The following ZCCHC2 variants were observed in gnomAD, a reference collection of about 807,000 sequenced individuals.
ZCCHC2 encodes the protein zinc finger CCHC domain-containing protein 2.
ZCCHC2 carries 39 observed loss-of-function variants against 103.6 expected under a neutral mutation model. That is an observed-to-expected ratio of 0.38 (90% CI 0.29 to 0.49). ZCCHC2 has a LOEUF of 0.49. Among genes scored for constraint, ZCCHC2 ranks in the 20% least tolerant of loss-of-function variants. The pLI is 0.96. For missense variants in ZCCHC2, 1,483 were observed against 1,491.0 expected (o/e 0.99, Z 0.09); for synonymous variants, 687 against 608.9 (o/e 1.13, Z -1.89).
intron 2 of ZCCHC2, among the ~76,000 whole-genome samples, chr18:62,542,151 T>C (rs1296627715): frequency 6.6e-6 from 1 of 152,246 alleles, no homozygotes; most frequent in Non-Finnish European, 1.5e-5. Flanking sequence ...TGTGGTAATC[T>C]GAATAACAAG....
chr18:62,524,941 T>A (rs1914301046), intron 1 of ZCCHC2: 1 of 152,518 alleles, frequency 6.6e-6, no homozygotes, highest in African/African-American at 2.4e-5. Context: ...TTAAAAGGGG[T>A]CGTACGGGTC....
intron 9 of ZCCHC2, among the ~76,000 whole-genome samples, chr18:62,563,818 T>C (rs1382178110): frequency 6.6e-6 from 1 of 152,240 alleles, no homozygotes; most frequent in African/African-American, 2.4e-5. Context: ...ATTTTCCAAC[T>C]GACCTTTCTT....
chr18:62,571,041 G>T (rs1249944123), intron 12 of ZCCHC2, among the ~76,000 whole-genome samples: 3 of 152,218 alleles, frequency 2.0e-5, no homozygotes, highest in Admixed American at 6.5e-5. Flanking sequence ...GCCTCCTGTA[G>T]CCATCTTATT....
intron 1 of ZCCHC2, chr18:62,526,381 C>T (rs1437972576): frequency 6.6e-6 from 1 of 152,308 alleles, no homozygotes. Flanking sequence ...TGGTGAACTT[C>T]TCCAGCAGTT....
intron 1 of ZCCHC2, among the ~76,000 whole-genome samples, chr18:62,534,328 A>AT (rs35855431): frequency 6.6e-6 from 1 of 151,136 alleles, no homozygotes; most frequent in African/African-American, 2.4e-5. Flanking sequence ...AAAAAAAAAA[A>AT]TCTGATTATT....
intron 1 of ZCCHC2, among the ~76,000 whole-genome samples, chr18:62,529,841 G>C (rs1219944586): frequency 2.0e-5 from 3 of 152,136 alleles, no homozygotes; most frequent in Non-Finnish European, 2.9e-5. Context: ...TTCTACATCC[G>C]GGGATTCAAC....
chr18:62,571,538 T>C (rs1916600454), intron 12 of ZCCHC2, among the ~76,000 whole-genome samples: 1 of 152,236 alleles, frequency 6.6e-6, no homozygotes, highest in Non-Finnish European at 1.5e-5. Context: ...TGCTAGGGTT[T>C]TCATTGCTTT....
intron 1 of ZCCHC2, among the ~76,000 whole-genome samples, chr18:62,529,649 G>A (rs897016664): frequency 7.2e-5 from 11 of 152,168 alleles, no homozygotes; most frequent in African/African-American, 1.7e-4. Flanking sequence ...AAAATCCTGA[G>A]TTCCTTCCCC....
intron 1 of ZCCHC2, among the ~76,000 whole-genome samples, chr18:62,527,133 CCTTA>C (rs1241555105): frequency 1.3e-5 from 2 of 151,178 alleles, no homozygotes; most frequent in Non-Finnish European, 2.9e-5. Flanking sequence ...GTATTTTCAG[CCTTA>C]CTATTGGTTA....
intron 1 of ZCCHC2, among the ~76,000 whole-genome samples, chr18:62,528,752 A>G (rs1034825459): frequency 4.6e-5 from 7 of 152,236 alleles, no homozygotes; most frequent in African/African-American, 1.4e-4. Flanking sequence ...TGCTACTTCA[A>G]GATAACTTGA....
At chr18:62,553,074 C>T (rs530728269) in intron 5 of ZCCHC2, among the ~76,000 whole-genome samples, 10 of 151,910 alleles carry the variant, frequency 6.6e-5, no homozygotes, top group African/African-American at 2.4e-4. Context: ...GAAAATTCCC[C>T]GGTTTCCCAT....
chr18:62,576,844 C>CTT lies in ZCCHC2; in HGVS notation c.*280_*281dup, dbSNP rs34072948. 8,929 of 214,392 alleles carry CTT rather than the reference C, an allele frequency of 0.042. 550 individuals carry two copies. The highest frequency in any genetic ancestry group is 0.16 in the African/African-American group (6,353 of 39,806). 13.3% of individuals were successfully genotyped at this position (214,392 alleles called of 1,614,324 possible). On this transcript the variant is annotated 3_prime_UTR_variant, in exon 14 of 14. Transcript: ENST00000269499. ...AGACAAACTTAAATGTTGGTGCGTG[C>CTT]TTTTTTTTTTTTTTTTACACTGAAT...
At chr18:62,539,263 CT>C (rs1410147038) in intron 1 of ZCCHC2, among the ~76,000 whole-genome samples, 1 of 152,168 alleles carries the variant, frequency 6.6e-6, no homozygotes, top group Non-Finnish European at 1.5e-5. Flanking sequence ...TTTCATAAGA[CT>C]TTTTCCTAAT....
chr18:62,560,093 C>T (rs1018093975), intron 7 of ZCCHC2, among the ~76,000 whole-genome samples: 7 of 152,154 alleles, frequency 4.6e-5, no homozygotes, highest in Admixed American at 2.0e-4. Context: ...AATGTTTCAA[C>T]AAGTAAGCTA....
intron 5 of ZCCHC2, among the ~76,000 whole-genome samples, chr18:62,553,489 G>C (rs1029098127): frequency 6.6e-6 from 1 of 150,834 alleles, no homozygotes. Context: ...ACAGGACCTC[G>C]CTCTGTTGCC....
At chr18:62,527,066 T>C (rs886782940) in intron 1 of ZCCHC2, 5 of 127,738 alleles carry the variant, frequency 3.9e-5, no homozygotes, top group South Asian at 2.5e-4. Flanking sequence ...GCAATTTTAA[T>C]TGGGAGTCAT....
At position 62,575,326 on chromosome 18, in the gene ZCCHC2, A is replaced by G; in HGVS notation, c.3245A>G (p.Asn1082Ser). The G allele has an allele frequency of 3.1e-6, 5 of 1,613,948 alleles. No individual in the cohort carries two copies. Among genetic ancestry groups the G allele is most frequent in the Non-Finnish European group, 4.2e-6 (5 of 1,179,866 alleles). The change falls in exon 13 of 14, where the codon AAT becomes AGT. Residue 1082 changes from asparagine (N) to serine (S), a missense_variant. By Grantham distance (46) the Asn-to-Ser change is conservative. Coordinates refer to ENST00000269499, the MANE Select transcript of ZCCHC2 (RefSeq NM_017742.6). Reference protein sequence around the residue: ...PFFLPQTPYANGLVHDPVMGS... With the variant: ...PFFLPQTPYASGLVHDPVMGS... ...TTTCTGCCTCAGACTCCATATGCAAATGGACTGGTACATGACCCAGTCATG... is the reference window on the plus strand; with the variant it reads ...TTTCTGCCTCAGACTCCATATGCAAGTGGACTGGTACATGACCCAGTCATG...
chr18:62,530,916 T>A (rs1470343499), intron 1 of ZCCHC2, among the ~76,000 whole-genome samples: 1 of 152,246 alleles, frequency 6.6e-6, no homozygotes, highest in Non-Finnish European at 1.5e-5. Context: ...GCACTTTTGT[T>A]AAGTTACATG....
At chr18:62,530,450 T>A (rs981810304) in intron 1 of ZCCHC2, among the ~76,000 whole-genome samples, 26 of 152,354 alleles carry the variant, frequency 1.7e-4, no homozygotes, top group Admixed American at 6.5e-4. Flanking sequence ...GCATTCTTTC[T>A]TGAGATTAGT....
Sources: gnomAD v4.1 joint callset for allele counts (sites outside exome capture counted in the v4.1 genomes callset) on GRCh38, gnomAD v4.1.1 for gene constraint, MANE v1.5 for transcripts, NCBI Gene and HGNC (gene_info 2026-07-23, HGNC 2026-07-21) for gene names.